SHPRH: variants seen among roughly 807,000 people sequenced by gnomAD.
SHPRH encodes the protein E3 ubiquitin-protein ligase SHPRH.
Under a neutral mutation model 202.5 loss-of-function variants are expected in SHPRH, and 106 were observed. The ratio of observed to expected loss-of-function variants is 0.52; its 90% CI spans 0.45 to 0.62. The LOEUF (loss-of-function observed/expected upper bound fraction) is 0.62, where lower values mean the gene tolerates loss of function less well. SHPRH is among the 20% of genes least tolerant of loss of function. The pLI, the probability that SHPRH is intolerant of heterozygous loss-of-function variation, is 0.00. For synonymous variants in SHPRH, 729 were observed against 686.0 expected (o/e 1.06, Z -0.98); for missense variants, 1,710 against 2,020.0 (o/e 0.85, Z 2.94).
chr6:145,960,936 G>A (rs909382291), intron 1 of SHPRH, among the ~76,000 whole-genome samples: 2 of 152,008 alleles, frequency 1.3e-5, no homozygotes, highest in African/African-American at 4.8e-5. Flanking sequence ...TCAGGCATTA[G>A]GTTTTAATAA....
At chr6:145,873,369 A>G (rs1780143308) in intron 2 of SHPRH, among the ~76,000 whole-genome samples, 1 of 152,122 alleles carries the variant, frequency 6.6e-6, no homozygotes, top group Admixed American at 6.6e-5. Flanking sequence ...CTTGAACAAG[A>G]AAAAAGGATG....
At chr6:145,889,411 T>C (rs934815023) in intron 28 of SHPRH, among the ~76,000 whole-genome samples, 3 of 152,044 alleles carry the variant, frequency 2.0e-5, no homozygotes, top group African/African-American at 7.2e-5. Flanking sequence ...ATGGATAATA[T>C]TAAGACATAT....
In SHPRH at chr6:145,870,037, T is replaced by A. The variant is rs1779984714; in HGVS notation, c.222-5546A>T. Among the ~76,000 whole-genome samples the A allele has an allele frequency of 2.0e-5, 3 of 152,026 alleles. No individual in the cohort carries two copies. The South Asian group carries it at 6.2e-4, about 31-fold the overall frequency. ...ATTTTTTTTCTTCAGTGTTTTGTAG[T>A]TTTTCTCATGTAGATATTGTATGTA... On this transcript the variant is annotated intron_variant, in intron 2 of 2. Coordinates refer to the SHPRH transcript ENST00000417762.
At chr6:145,863,095 A>G (rs1779637115), downstream of SHPRH, among the ~76,000 whole-genome samples, 1 of 152,226 alleles carries the variant, frequency 6.6e-6, no homozygotes, top group South Asian at 2.1e-4. Context: ...CCTGTGCTAG[A>G]GCTGAGGATA....
chr6:145,860,235 C>T (rs1441697469), downstream of SHPRH, among the ~76,000 whole-genome samples: 1 of 151,838 alleles, frequency 6.6e-6, no homozygotes, highest in Non-Finnish European at 1.5e-5. Context: ...ATAACATGAC[C>T]TTACATGTAG....
At chr6:145,957,710 C>A (rs940167728) in intron 1 of SHPRH, among the ~76,000 whole-genome samples, 1 of 152,122 alleles carries the variant, frequency 6.6e-6, no homozygotes, top group East Asian at 1.9e-4. Context: ...GAGAGTATGG[C>A]TCAAACAGAA....
chr6:145,944,139 A>T (rs1787106894), intron 8 of SHPRH, among the ~76,000 whole-genome samples: 1 of 152,206 alleles, frequency 6.6e-6, no homozygotes, highest in African/African-American at 2.4e-5. Context: ...ATAAATATAC[A>T]AATCAGGGCA....
intron 13 of SHPRH, 132 bp from the exon 14 acceptor site, chr6:145,933,310 C>G (rs990595533): frequency 7.6e-7 from 1 of 1,322,996 alleles, no homozygotes; most frequent in Non-Finnish European, 1.0e-6. Context: ...CATTTTTTTT[C>G]GCCTCAATTT....
chr6:145,909,587 T>C lies in SHPRH; in HGVS notation c.4515+861A>G, dbSNP rs188395775. 2.0e-5 allele frequency: 3 copies of C among 152,272 alleles called. No individual in the cohort carries two copies. In the East Asian group the frequency reaches 5.8e-4, roughly 29 times the overall value. The allele number at this position is 152,272 out of a possible 1,614,324, so 9.4% of individuals were successfully genotyped here. A position where few individuals can be genotyped will look rare whatever the true frequency, so the allele number is the denominator to read the frequency against. The stretch of plus-strand genomic sequence containing the variant: ...GTGAATTTCAACTTGTAGCTGATTC[T>C]ACTTAAAAAACACATTACTTAAAAG... On this transcript the variant is annotated intron_variant, in intron 25 of 29. Coordinates refer to ENST00000275233, the MANE Select transcript of SHPRH (RefSeq NM_001042683.3).
At chr6:145,890,816 C>T (rs1041250773) in intron 28 of SHPRH, among the ~76,000 whole-genome samples, 1 of 152,186 alleles carries the variant, frequency 6.6e-6, no homozygotes, top group Non-Finnish European at 1.5e-5. Context: ...TTCTAGTTGT[C>T]CAAGCCAAAA....
At chr6:145,911,662 T>C (rs1360832806) in intron 24 of SHPRH, among the ~76,000 whole-genome samples, 1 of 152,118 alleles carries the variant, frequency 6.6e-6, no homozygotes, top group Non-Finnish European at 1.5e-5. Context: ...ACAAAGCTTC[T>C]AAATCCTTAA....
In SHPRH at chr6:145,924,815, T is replaced by G. The variant is rs1185778575; in HGVS notation, c.3326A>C (p.Lys1109Thr). 6.2e-7 allele frequency: 1 copy of G among 1,611,748 alleles called. No homozygotes were observed. Among genetic ancestry groups the G allele is most frequent in the Non-Finnish European group, 8.5e-7 (1 of 1,178,408 alleles). Residue 1109 changes from lysine to threonine, a missense_variant, in exon 17 of 30, where the codon AAG becomes ACG. Coordinates refer to ENST00000275233, the MANE Select transcript of SHPRH (RefSeq NM_001042683.3). ...GGCTTCAGCAACTTCTGTATTACACTTGCTCATGTAGTGCTCTCGCAGCTG... is the reference window on the plus strand; with the variant it reads ...GGCTTCAGCAACTTCTGTATTACACGTGCTCATGTAGTGCTCTCGCAGCTG... Reference protein sequence around the residue: ...AKQLREHYMSKCNTEVAEAQQ... With the variant: ...AKQLREHYMSTCNTEVAEAQQ...
intron 15 of SHPRH, 55 bp downstream of exon 15, chr6:145,927,134 T>C (rs768383039): frequency 4.7e-6 from 7 of 1,502,366 alleles, no homozygotes; most frequent in Non-Finnish European, 6.4e-6. Flanking sequence ...TCAGAAAAAT[T>C]ATTTTGTTAA....
chr6:145,903,150 A>G, intron 25 of SHPRH: 1 of 151,984 alleles, frequency 6.6e-6, no homozygotes, highest in South Asian at 2.1e-4. Context: ...TAAAACTTAT[A>G]TAAGAATATT....
chr6:145,926,173 C>T, intron 16 of SHPRH, 31 bp downstream of exon 16: 2 of 1,584,974 alleles, frequency 1.3e-6, no homozygotes, highest in Non-Finnish European at 1.7e-6. Flanking sequence ...AGAAAATATA[C>T]TTTTATAGAC....
intron 25 of SHPRH, among the ~76,000 whole-genome samples, chr6:145,900,058 T>C (rs964598090): frequency 1.3e-5 from 2 of 152,216 alleles, no homozygotes; most frequent in East Asian, 1.9e-4. Context: ...TTGGTGGCAA[T>C]ACAAATTAGT....
intron 28 of SHPRH, among the ~76,000 whole-genome samples, chr6:145,890,881 A>C (rs1781512749): frequency 6.6e-6 from 1 of 152,076 alleles, no homozygotes; most frequent in African/African-American, 2.4e-5. Flanking sequence ...GTCCAAAAGT[A>C]CTATCAGTTC....
chr6:145,899,443 A>AAAC (rs1450416076), intron 25 of SHPRH, among the ~76,000 whole-genome samples: 3 of 152,144 alleles, frequency 2.0e-5, no homozygotes, highest in African/African-American at 7.2e-5. Flanking sequence ...AATGGGGAAA[A>AAAC]AACAGTCTCT....
At chr6:145,953,989 C>T (rs1351270515) in intron 2 of SHPRH, among the ~76,000 whole-genome samples, 5 of 150,022 alleles carry the variant, frequency 3.3e-5, no homozygotes, top group Non-Finnish European at 5.9e-5. Flanking sequence ...TGTGACAAGC[C>T]GCCAAGGCCA....
Sources: gnomAD v4.1 joint callset for allele counts (sites outside exome capture counted in the v4.1 genomes callset) on GRCh38, gnomAD v4.1.1 for gene constraint, MANE v1.5 for transcripts, NCBI Gene and HGNC (gene_info 2026-07-23, HGNC 2026-07-21) for gene names.